The following AGBL4 variants were observed in gnomAD, a reference collection of about 807,000 sequenced individuals.
AGBL4 encodes AGBL carboxypeptidase 4.
A neutral mutation model predicts 66.4 loss-of-function variants in AGBL4; 58 were observed. The ratio of observed to expected loss-of-function variants is 0.87; its 90% CI spans 0.71 to 1.09. The LOEUF is 1.09. Ranked by LOEUF, AGBL4 falls within the 50% of genes least tolerant of loss-of-function variation. The pLI is 0.00. For missense variants in AGBL4, 579 were observed against 631.0 expected (o/e 0.92, Z 0.88); for synonymous variants, 234 against 222.9 (o/e 1.05, Z -0.44).
chr1:49,105,172 T>C (rs1645270196), intron 4 of AGBL4, among the ~76,000 whole-genome samples: 1 of 152,184 alleles, frequency 6.6e-6, no homozygotes, highest in African/African-American at 2.4e-5. Context: ...AAGCAAGTGC[T>C]GCCAGGTGGG....
At chr1:49,964,959 A>T (rs1657434274) in intron 1 of AGBL4, among the ~76,000 whole-genome samples, 1 of 152,216 alleles carries the variant, frequency 6.6e-6, no homozygotes, top group African/African-American at 2.4e-5. Flanking sequence ...TAAAGAACAA[A>T]TTAAACAAGT....
intron 5 of AGBL4, among the ~76,000 whole-genome samples, chr1:49,032,789 T>C (rs1664337283): frequency 6.6e-6 from 1 of 152,170 alleles, no homozygotes; most frequent in African/African-American, 2.4e-5. Flanking sequence ...CTATGGATAC[T>C]GAGTTGTAGC....
chr1:48,691,351 A>G (rs1646629028), intron 6 of AGBL4, among the ~76,000 whole-genome samples: 1 of 152,092 alleles, frequency 6.6e-6, no homozygotes, highest in Non-Finnish European at 1.5e-5. Context: ...CAATTGGAAG[A>G]ACCACATTTT....
chr1:49,556,675 C>T (rs1026078493), intron 3 of AGBL4, among the ~76,000 whole-genome samples: 1 of 152,068 alleles, frequency 6.6e-6, no homozygotes, highest in Non-Finnish European at 1.5e-5. Flanking sequence ...GGGCCGCAGG[C>T]GGAGCTGCCT....
intron 11 of AGBL4, among the ~76,000 whole-genome samples, chr1:48,582,057 C>T (rs1644748517): frequency 6.6e-6 from 1 of 152,200 alleles, no homozygotes; most frequent in Non-Finnish European, 1.5e-5. Context: ...CACAGCTTTG[C>T]ATACATTTTA....
At chr1:50,002,424 C>T (rs1660828653) in intron 1 of AGBL4, among the ~76,000 whole-genome samples, 1 of 132,226 alleles carries the variant, frequency 7.6e-6, no homozygotes, top group African/African-American at 3.0e-5. Context: ...GGCTGGAGTG[C>T]AGTGGCGCGA....
intron 11 of AGBL4, among the ~76,000 whole-genome samples, chr1:48,557,852 C>T (rs986732142): frequency 6.6e-5 from 10 of 152,218 alleles, no homozygotes; most frequent in African/African-American, 2.4e-4. Flanking sequence ...AGCCACCAGA[C>T]CTGGGACTAC....
chr1:49,280,180 G>A (rs1347154458), intron 3 of AGBL4, among the ~76,000 whole-genome samples: 1 of 151,754 alleles, frequency 6.6e-6, no homozygotes, highest in African/African-American at 2.4e-5. Flanking sequence ...ACACCCCTAT[G>A]ATTGCACCCC....
At chr1:49,099,542 A>G (rs1332026897) in intron 4 of AGBL4, among the ~76,000 whole-genome samples, 1 of 152,152 alleles carries the variant, frequency 6.6e-6, no homozygotes, top group Non-Finnish European at 1.5e-5. Context: ...GCATTGTGCT[A>G]TGTGGTTTCA....
At chr1:49,837,154 C>A (rs943933475) in intron 2 of AGBL4, among the ~76,000 whole-genome samples, 1 of 152,234 alleles carries the variant, frequency 6.6e-6, no homozygotes, top group Non-Finnish European at 1.5e-5. Flanking sequence ...GCTGCGCCCA[C>A]AGCCGCCCCT....
chr1:49,743,430 T>A (rs1470041124), intron 2 of AGBL4, among the ~76,000 whole-genome samples: 2 of 152,216 alleles, frequency 1.3e-5, no homozygotes, highest in East Asian at 3.9e-4. Flanking sequence ...TGTGGAGAAA[T>A]AGGAACACTT....
chr1:49,907,068 C>T (rs893432643), intron 1 of AGBL4, among the ~76,000 whole-genome samples: 1 of 152,080 alleles, frequency 6.6e-6, no homozygotes, highest in Non-Finnish European at 1.5e-5. Flanking sequence ...CATGCCGAAG[C>T]TTTTCTAAGT....
chr1:49,875,145 C>T (rs777045010), intron 1 of AGBL4, among the ~76,000 whole-genome samples: 2 of 139,574 alleles, frequency 1.4e-5, no homozygotes, highest in East Asian at 4.4e-4. Flanking sequence ...TTTATTATTA[C>T]TATTATTATT....
chr1:48,647,186 G>T (rs185851849), intron 8 of AGBL4, among the ~76,000 whole-genome samples: 10 of 152,326 alleles, frequency 6.6e-5, no homozygotes, highest in African/African-American at 2.4e-4. Flanking sequence ...CCACCATGGG[G>T]TCTGCAGTTC....
chr1:48,580,527 G>T (rs913794258), intron 11 of AGBL4, among the ~76,000 whole-genome samples: 6 of 152,196 alleles, frequency 3.9e-5, no homozygotes, highest in African/African-American at 1.2e-4. Flanking sequence ...CTTAGAAGAG[G>T]TTTGATGTTT....
intron 4 of AGBL4, among the ~76,000 whole-genome samples, chr1:49,110,432 C>T (rs540691121): frequency 6.6e-6 from 1 of 152,132 alleles, no homozygotes; most frequent in South Asian, 2.1e-4. Context: ...AAGTTCAGAC[C>T]TTCTTCTATT....
chr1:49,906,092 T>C (rs1650246139), intron 1 of AGBL4, among the ~76,000 whole-genome samples: 2 of 149,718 alleles, frequency 1.3e-5, no homozygotes, highest in South Asian at 2.1e-4. Context: ...ATTTACTCAT[T>C]TTAAGATAAA....
chr1:48,975,033 A>C (rs1269038929), intron 5 of AGBL4, among the ~76,000 whole-genome samples: 1 of 152,134 alleles, frequency 6.6e-6, no homozygotes, highest in Non-Finnish European at 1.5e-5. Context: ...ATAAGGAGGA[A>C]GTTGCAAGTG....
chr1:48,704,197 G>A (rs750666144), intron 6 of AGBL4, among the ~76,000 whole-genome samples: 3 of 152,148 alleles, frequency 2.0e-5, no homozygotes, highest in Admixed American at 1.3e-4. Context: ...GAAAAGGTAC[G>A]GTAAAATATA....
Sources: gnomAD v4.1 joint callset for allele counts (sites outside exome capture counted in the v4.1 genomes callset) on GRCh38, gnomAD v4.1.1 for gene constraint, MANE v1.5 for transcripts, NCBI Gene and HGNC (gene_info 2026-07-23, HGNC 2026-07-21) for gene names.